Variants in AHCYL2 observed in about 807,000 individuals in gnomAD.
AHCYL2 encodes S-adenosylhomocysteine hydrolase-like protein 2.
A neutral mutation model predicts 81.4 loss-of-function variants in AHCYL2; 28 were observed. The observed-to-expected ratio is 0.34, with a 90% CI of 0.25 to 0.47. The LOEUF (loss-of-function observed/expected upper bound fraction) is 0.47, where lower values mean the gene tolerates loss of function less well. AHCYL2 is among the 20% of genes least tolerant of loss of function. The pLI is 1.00. For missense variants in AHCYL2, 551 were observed against 785.1 expected (o/e 0.70, Z 3.56); for synonymous variants, 272 against 290.2 (o/e 0.94, Z 0.64).
intron 1 of AHCYL2, among the ~76,000 whole-genome samples, chr7:129,336,939 G>A (rs1391250967): frequency 2.0e-5 from 3 of 152,070 alleles, no homozygotes; most frequent in African/African-American, 4.8e-5. Flanking sequence ...AAAGACGGGT[G>A]TCTCATCATG....
At chr7:129,320,289 C>T (rs1026826020) in intron 1 of AHCYL2, among the ~76,000 whole-genome samples, 5 of 151,776 alleles carry the variant, frequency 3.3e-5, no homozygotes, top group African/African-American at 1.2e-4. Context: ...TATTTTCTAC[C>T]AGTCTGTTTG....
intron 1 of AHCYL2, among the ~76,000 whole-genome samples, chr7:129,250,974 A>C (rs57603850): frequency 3.3e-3 from 509 of 152,318 alleles, no homozygotes; most frequent in African/African-American, 0.012. Flanking sequence ...AAAACCGGTG[A>C]AGCCTTTGTG....
In AHCYL2 at chr7:129,425,122, C is replaced by T; in HGVS notation, c.1689C>T (p.Tyr563=). Residue 563 remains tyrosine (Y), a synonymous_variant, in exon 15 of 17, where the codon TAC becomes TAT. Transcript: ENST00000325006. ...APEGRYKQDV[Y]LLPKKMDEYV... ...AGGGTCGCTATAAGCAGGATGTCTA[C>T]CTGTTGCCCAAGAAGATGGGTAAGT... 6.2e-7 allele frequency: 1 copy of T among 1,613,364 alleles called. No individual in the cohort carries two copies. The highest frequency in any genetic ancestry group is 8.5e-7 in the Non-Finnish European group (1 of 1,179,926).
chr7:129,380,697 G>T (rs1794916800), intron 2 of AHCYL2, among the ~76,000 whole-genome samples: 1 of 152,082 alleles, frequency 6.6e-6, no homozygotes, highest in Admixed American at 6.5e-5. Flanking sequence ...CACTTCCTAT[G>T]GATTTTTATC....
At position 129,426,607 on chromosome 7, in the gene AHCYL2, G is replaced by A. The variant is rs774232955; in HGVS notation, c.1829+44G>A. 68 of 1,596,686 alleles carry A rather than the reference G, an allele frequency of 4.3e-5. 1 individual carries two copies. In the Middle Eastern group the frequency reaches 7.0e-4, roughly 16 times the overall value. ...AAATCAGGGACACCTGGGCAGTGAT[G>A]AGCTTCCTGCACTGGAATTGGTCTT... On this transcript the variant is annotated intron_variant, in intron 16 of 16. Coordinates refer to ENST00000325006, the MANE Select transcript of AHCYL2 (RefSeq NM_015328.4). This position sits in a 1 kb window ranked among gnomAD's most constrained non-coding sequence, Gnocchi z 4.3.
At chr7:129,350,332 A>T (rs1234079623) in intron 1 of AHCYL2, among the ~76,000 whole-genome samples, 1 of 152,124 alleles carries the variant, frequency 6.6e-6, no homozygotes, top group African/African-American at 2.4e-5. Flanking sequence ...GAGATAATAC[A>T]TGCCAAAGCA....
At chr7:129,266,738 A>G (rs1444645841) in intron 1 of AHCYL2, among the ~76,000 whole-genome samples, 1 of 152,256 alleles carries the variant, frequency 6.6e-6, no homozygotes, top group African/African-American at 2.4e-5. Context: ...TGAATAAAAT[A>G]TATTACATAC....
In AHCYL2 at chr7:129,430,173, T is replaced by C. The variant is rs901753153; in HGVS notation, c.*3128T>C. On this transcript the variant is annotated 3_prime_UTR_variant, in exon 17 of 17. Coordinates refer to ENST00000325006, the MANE Select transcript of AHCYL2 (RefSeq NM_015328.4). ...TGTATTAGATCAGCAATAATGACTA[T>C]GTAATCTCAAAAAACAAATAAAATA... 1 of 152,540 alleles carries C rather than the reference T, an allele frequency of 6.6e-6. No homozygotes were observed. Among genetic ancestry groups the C allele is most frequent in the Non-Finnish European group, 1.5e-5 (1 of 68,018 alleles). The allele number at this position is 152,540 out of a possible 1,614,324, so 9.4% of individuals were successfully genotyped here. A position where few individuals can be genotyped will look rare whatever the true frequency, so the allele number is the denominator to read the frequency against.
At chr7:129,297,375 T>C (rs1205220889) in intron 1 of AHCYL2, among the ~76,000 whole-genome samples, 1 of 152,146 alleles carries the variant, frequency 6.6e-6, no homozygotes, top group Non-Finnish European at 1.5e-5. Context: ...TGAAAAAGCA[T>C]AGGGTAGACA....
intron 4 of AHCYL2, among the ~76,000 whole-genome samples, chr7:129,391,587 A>AAT (rs1349781023): frequency 6.6e-6 from 1 of 152,192 alleles, no homozygotes; most frequent in Non-Finnish European, 1.5e-5. Flanking sequence ...CCAGAGATGC[A>AAT]ATATATATGG....
intron 1 of AHCYL2, among the ~76,000 whole-genome samples, chr7:129,317,116 A>C (rs1797851847): frequency 6.6e-6 from 1 of 152,240 alleles, no homozygotes; most frequent in Admixed American, 6.5e-5. Context: ...AAGGTACTTG[A>C]ATTTTCAAGT....
At chr7:129,291,591 C>T (rs528546783) in intron 1 of AHCYL2, among the ~76,000 whole-genome samples, 1 of 148,262 alleles carries the variant, frequency 6.7e-6, no homozygotes, top group African/African-American at 2.5e-5. Context: ...AAATTTATTG[C>T]CACAAAGTCT....
chr7:129,308,426 T>G (rs1396639576), intron 1 of AHCYL2, among the ~76,000 whole-genome samples: 1 of 152,218 alleles, frequency 6.6e-6, no homozygotes, highest in East Asian at 1.9e-4. Context: ...ATTGCCCATG[T>G]GGGTGCTGCC....
At chr7:129,390,144 C>T (rs919685284) in intron 4 of AHCYL2, among the ~76,000 whole-genome samples, 3 of 152,112 alleles carry the variant, frequency 2.0e-5, no homozygotes, top group African/African-American at 7.2e-5. Context: ...CCTGCATGTC[C>T]ACCAGTTCTG....
In AHCYL2 at chr7:129,322,384, C is replaced by G. The variant is rs548792653; in HGVS notation, c.364-57254C>G. On this transcript the variant is annotated intron_variant, in intron 1 of 16. Transcript: ENST00000325006. ...TGAACTCCTGACCTCAGGTGATCTG[C>G]CCGCCTTGGTCTCCCAAAGTGCTGG... is the stretch of plus-strand genomic sequence containing the variant. Among the ~76,000 whole-genome samples, 241 of 152,316 alleles carry G rather than the reference C, an allele frequency of 1.6e-3. 1 individual carries two copies. Among genetic ancestry groups the G allele is most frequent in the African/African-American group, 5.6e-3 (232 of 41,540 alleles).
At chr7:129,424,084 T>C (rs1242871028) in intron 13 of AHCYL2, among the ~76,000 whole-genome samples, 9 of 151,992 alleles carry the variant, frequency 5.9e-5, no homozygotes, top group Admixed American at 5.9e-4. Context: ...AAGGGTGGCA[T>C]TGGGGGCAAT....
intron 6 of AHCYL2, among the ~76,000 whole-genome samples, chr7:129,401,412 G>A (rs966196678): frequency 4.0e-5 from 6 of 151,844 alleles, no homozygotes; most frequent in Non-Finnish European, 7.4e-5. Context: ...CTCCCCTAGG[G>A]GGAGGGGGCA....
chr7:129,290,071 A>C (rs568354177), intron 1 of AHCYL2, among the ~76,000 whole-genome samples: 138 of 151,908 alleles, frequency 9.1e-4, no homozygotes, highest in Non-Finnish European at 7.4e-5. Flanking sequence ...CACCATGCCC[A>C]GTGGCATATA....
chr7:129,372,995 G>C (rs1363488863), intron 1 of AHCYL2, among the ~76,000 whole-genome samples: 4 of 152,166 alleles, frequency 2.6e-5, no homozygotes, highest in Non-Finnish European at 4.4e-5. Context: ...GAAAGTGTTA[G>C]AGCAGTGGTT....
Sources: gnomAD v4.1 joint callset for allele counts (sites outside exome capture counted in the v4.1 genomes callset) on GRCh38, gnomAD v4.1.1 for gene constraint, Gnocchi (gnomAD v3.1) non-coding constraint, MANE v1.5 for transcripts, NCBI Gene and HGNC (gene_info 2026-07-23, HGNC 2026-07-21) for gene names.